Variants in SLC10A2 observed in about 807,000 individuals in gnomAD.
SLC10A2 encodes the protein solute carrier family 10 member 2, also known as ileal sodium/bile acid cotransporter.
Under a neutral mutation model 27.1 loss-of-function variants are expected in SLC10A2, and 34 were observed. The observed-to-expected ratio is 1.26, with a 90% confidence interval of 0.96 to 1.67. SLC10A2 has a LOEUF of 1.67. Among genes scored for constraint, SLC10A2 ranks in the 40% most tolerant of loss-of-function variants. The pLI, the probability that SLC10A2 is intolerant of heterozygous loss-of-function variation, is 0.00. For missense variants in SLC10A2, 530 were observed against 444.4 expected (o/e 1.19, Z -1.73); for synonymous variants, 205 against 174.0 (o/e 1.18, Z -1.40).
chr13:103,066,219 C>A lies in SLC10A2; in HGVS notation c.31G>T (p.Ala11Ser). MNDPNSCVDN[A>S]TVCSGASCVV... ...CAGGATGCACCAGAGCAAACTGTTG[C>A]ATTGTCCACACAGCTGTTCGGATCA... The change falls in exon 1 of 6, where the codon GCA becomes TCA. Residue 11 changes from alanine (A) to serine (S), a missense_variant. Transcript: ENST00000245312. 1 of 1,613,154 alleles carries A rather than the reference C, an allele frequency of 6.2e-7. No individual in the cohort carries two copies. The highest frequency in any genetic ancestry group is 8.5e-7 in the Non-Finnish European group (1 of 1,179,274).
In SLC10A2 at chr13:103,051,440, A is replaced by G. The variant is rs1215098012; in HGVS notation, c.586-8T>C. On this transcript the variant is annotated splice_polypyrimidine_tract_variant and splice_region_variant and intron_variant, in intron 3 of 5. Transcript: ENST00000245312. ...GCCCGCGATGGACCCAATCTGAAAA[A>G]AAAAGGAATAAGTGAACCCAGCAAT... 15 of 1,613,724 alleles carry G rather than the reference A, an allele frequency of 9.3e-6. No individual in the cohort carries two copies. The highest frequency in any genetic ancestry group is 6.7e-5 in the East Asian group (3 of 44,846).
intron 2 of SLC10A2, among the ~76,000 whole-genome samples, chr13:103,056,854 G>A (rs887134244): frequency 6.6e-6 from 1 of 151,744 alleles, no homozygotes; most frequent in Non-Finnish European, 1.5e-5. Context: ...TTTTTTTTTG[G>A]TCTAATGGTA....
At chr13:103,065,134 A>G (rs371185288) in intron 1 of SLC10A2, among the ~76,000 whole-genome samples, 3 of 152,262 alleles carry the variant, frequency 2.0e-5, no homozygotes, top group Admixed American at 1.3e-4. Flanking sequence ...AAATTTCTCA[A>G]TCTAGTCACA....
chr13:103,063,896 G>T (rs57252743), intron 1 of SLC10A2, among the ~76,000 whole-genome samples: 7,957 of 152,260 alleles, frequency 0.052, 238 homozygotes, highest in African/African-American at 0.081. Flanking sequence ...GAGGATAAAT[G>T]ATAGAGAGAT....
intron 1 of SLC10A2, 115 bp downstream of exon 1, chr13:103,065,758 T>C (rs72659706): frequency 0.019 from 22,956 of 1,185,192 alleles, 311 homozygotes; most frequent in African/African-American, 0.037. Flanking sequence ...TCCTGTTTGA[T>C]TCCTTAGTCA....
intron 2 of SLC10A2, among the ~76,000 whole-genome samples, chr13:103,057,122 C>T (rs9518912): frequency 0.41 from 61,985 of 151,982 alleles, 12,947 homozygotes; most frequent in African/African-American, 0.49. Flanking sequence ...CCACACCTTT[C>T]TGAGGCAGCT....
rs9300785 is a variant in SLC10A2, at chr13:103,062,696, A to T, written c.377+3177T>A. 2.1e-3 allele frequency among the ~76,000 whole-genome samples: 316 copies of T among 152,302 alleles called. 1 individual carries two copies. The highest frequency in any genetic ancestry group is 7.1e-3 in the African/African-American group (295 of 41,562). On this transcript the variant is annotated intron_variant, in intron 1 of 5. Coordinates refer to ENST00000245312, the MANE Select transcript of SLC10A2 (RefSeq NM_000452.3). ...GATTTCTTGAATATCTAAAATATCA[A>T]TGAATGCTGCACTGGAAGCTGAAAA...
Position 103,066,014 on chromosome 13 carries a change from A to T in SLC10A2, c.236T>A (p.Met79Lys). The stretch of plus-strand genomic sequence containing the variant: ...CGACAGGATGAATCCTGTGAGGGGC[A>T]TGATTCCAAACTGACAGAGGAAGCC... The part of the protein sequence containing the change: ...CVGFLCQFGI[M>K]PLTGFILSVA... Residue 79 changes from methionine (M) to lysine (K), a missense_variant, in exon 1 of 6, where the codon ATG becomes AAG. Physicochemically the swap from Met to Lys is moderately conservative, Grantham distance 95 (BLOSUM62 -1). Transcript: ENST00000245312. 6.2e-7 allele frequency: 1 copy of T among 1,614,022 alleles called. No individual in the cohort carries two copies.
intron 4 of SLC10A2, among the ~76,000 whole-genome samples, chr13:103,050,540 C>G (rs1465669987): frequency 1.3e-5 from 2 of 152,218 alleles, no homozygotes; most frequent in Non-Finnish European, 2.9e-5. Flanking sequence ...GAACGCTTGT[C>G]TATTCCAAGG....
chr13:103,063,506 G>A (rs1876188813), intron 1 of SLC10A2, among the ~76,000 whole-genome samples: 1 of 152,180 alleles, frequency 6.6e-6, no homozygotes, highest in Non-Finnish European at 1.5e-5. Context: ...AGATAGGATT[G>A]TATCTAAGTA....
At chr13:103,057,708 G>A (rs1051418556) in intron 2 of SLC10A2, among the ~76,000 whole-genome samples, 5 of 151,890 alleles carry the variant, frequency 3.3e-5, no homozygotes, top group South Asian at 2.1e-4. Context: ...GAGAAACCCC[G>A]TCCCTATTAA....
At chr13:103,057,278 G>T (rs1354418468) in intron 2 of SLC10A2, among the ~76,000 whole-genome samples, 3 of 152,128 alleles carry the variant, frequency 2.0e-5, no homozygotes, top group African/African-American at 7.2e-5. Context: ...CCTATTCCTG[G>T]TATACCAGGA....
intron 5 of SLC10A2, among the ~76,000 whole-genome samples, chr13:103,048,390 CA>C (rs199881213): frequency 3.5e-3 from 338 of 97,096 alleles, no homozygotes; most frequent in African/African-American, 0.013. Flanking sequence ...GGGGCTGTCT[CA>C]AAAAAAAAAG....
chr13:103,062,518 G>T (rs948476077), intron 1 of SLC10A2, among the ~76,000 whole-genome samples: 4 of 152,180 alleles, frequency 2.6e-5, no homozygotes, highest in African/African-American at 9.7e-5. Flanking sequence ...AGTGCTACTG[G>T]AGAGAAACAA....
At chr13:103,054,512 C>A (rs1875882514) in intron 2 of SLC10A2, among the ~76,000 whole-genome samples, 1 of 152,130 alleles carries the variant, frequency 6.6e-6, no homozygotes, top group Non-Finnish European at 1.5e-5. Context: ...TAGCTTAAAT[C>A]TAGCTGCAAG....
Position 103,046,164 on chromosome 13 carries a change from G to T in SLC10A2, c.1016C>A (p.Ala339Glu). ...TTCGTCAGGTTGAAATCCTCCATTTGCCTTATAAAACGATGACTCTGGCTC... is the reference window on the plus strand; with the variant it reads ...TTCGTCAGGTTGAAATCCTCCATTTTCCTTATAAAACGATGACTCTGGCTC... ...GTEPESSFYKANGGFQPDEK is the reference protein window; with the variant it reads ...GTEPESSFYKENGGFQPDEK The change falls in exon 6 of 6, where the codon GCA becomes GAA. Residue 339 changes from alanine to glutamate, a missense_variant. Physicochemically the swap from Ala to Glu is moderately radical, Grantham distance 107 (BLOSUM62 -1). Transcript: ENST00000245312. The T allele has an allele frequency of 1.2e-6, 2 of 1,613,746 alleles. No individual in the cohort carries two copies. The highest frequency in any genetic ancestry group is 1.7e-6 in the Non-Finnish European group (2 of 1,179,832).
intron 5 of SLC10A2, among the ~76,000 whole-genome samples, chr13:103,048,855 CT>C (rs768389739): frequency 1.6e-4 from 24 of 152,132 alleles, no homozygotes; most frequent in Non-Finnish European, 2.9e-4. Context: ...ACACATCTTC[CT>C]TGTAAGTTAG....
chr13:103,055,337 T>G (rs1203506129), intron 2 of SLC10A2, among the ~76,000 whole-genome samples: 1 of 152,188 alleles, frequency 6.6e-6, no homozygotes, highest in Admixed American at 6.5e-5. Context: ...ATGGTCTGCC[T>G]CCTCTCGATC....
At chr13:103,059,532 C>G (rs980791332) in intron 1 of SLC10A2, among the ~76,000 whole-genome samples, 1 of 152,210 alleles carries the variant, frequency 6.6e-6, no homozygotes, top group African/African-American at 2.4e-5. Context: ...TGGCCTTGAG[C>G]AAAATGGGCC....
Sources: gnomAD v4.1 joint callset for allele counts (sites outside exome capture counted in the v4.1 genomes callset) on GRCh38, gnomAD v4.1.1 for gene constraint, MANE v1.5 for transcripts, NCBI Gene and HGNC (gene_info 2026-07-23, HGNC 2026-07-21) for gene names.